The following KCNAB1 variants were observed in gnomAD, a reference collection of about 807,000 sequenced individuals.
KCNAB1 encodes potassium voltage-gated channel subfamily A regulatory beta subunit 1.
KCNAB1 carries 35 observed loss-of-function variants against 64.6 expected under a neutral mutation model. The ratio of observed to expected loss-of-function variants is 0.54; its 90% CI spans 0.41 to 0.72. The LOEUF is 0.72. Among genes scored for constraint, KCNAB1 ranks in the 30% least tolerant of loss-of-function variants. KCNAB1 has a pLI of 0.00. For missense variants in KCNAB1, 401 were observed against 512.9 expected, an observed-to-expected ratio of 0.78 and a Z score of 2.11; for synonymous variants, 177 against 183.8, an observed-to-expected ratio of 0.96 and a Z score of 0.30.
chr3:156,197,427 C>T (rs1714025598), intron 1 of KCNAB1, among the ~76,000 whole-genome samples: 1 of 152,102 alleles, frequency 6.6e-6, no homozygotes, highest in Admixed American at 6.5e-5. Context: ...GCTGTGAATC[C>T]ATCTGGTCCT....
At chr3:156,130,062 ACCTCT>A (rs1280054809) in intron 1 of KCNAB1, among the ~76,000 whole-genome samples, 2 of 152,068 alleles carry the variant, frequency 1.3e-5, no homozygotes, top group Admixed American at 1.3e-4. Context: ...TTAGCAAAAC[ACCTCT>A]CCTCTCCAAG....
chr3:156,422,248 C>T (rs542332278), intron 2 of KCNAB1, among the ~76,000 whole-genome samples: 58 of 152,144 alleles, frequency 3.8e-4, no homozygotes, highest in Non-Finnish European at 7.2e-4. Flanking sequence ...AATCTGAAGT[C>T]GTGGAATCTG....
intron 8 of KCNAB1, among the ~76,000 whole-genome samples, chr3:156,501,864 G>T (rs1559918104): frequency 2.6e-5 from 4 of 152,290 alleles, no homozygotes; most frequent in African/African-American, 9.6e-5. Context: ...CAGAATCATG[G>T]TGGGAGGTGA....
chr3:156,308,752 A>C (rs2108001577), intron 1 of KCNAB1, among the ~76,000 whole-genome samples: 1 of 152,320 alleles, frequency 6.6e-6, no homozygotes, highest in Middle Eastern at 3.4e-3. Context: ...TTTGCACAGC[A>C]CTGACTTTAG....
intron 1 of KCNAB1, among the ~76,000 whole-genome samples, chr3:156,171,087 G>A (rs895206068): frequency 1.3e-5 from 2 of 151,794 alleles, no homozygotes; most frequent in East Asian, 1.9e-4. Flanking sequence ...GTCTACCTTT[G>A]TTTGAGCTAC....
Position 156,255,615 on chromosome 3 carries a change from G to T in KCNAB1, c.275+134729G>T, listed in dbSNP as rs567822508. Among the ~76,000 whole-genome samples the T allele has an allele frequency of 3.3e-5, 5 of 152,242 alleles. No homozygotes were observed. The South Asian group carries it at 1.0e-3, about 32-fold the overall frequency. On this transcript the variant is annotated intron_variant, in intron 1 of 13. Coordinates refer to ENST00000490337, the MANE Select transcript of KCNAB1 (RefSeq NM_172160.3). ...GGTCTGCATTTGCCCAGTACTTCAT[G>T]TATCCATGTCTCTGTTCATGCCCTA...
At chr3:156,439,028 A>C (rs1716797503) in intron 2 of KCNAB1, among the ~76,000 whole-genome samples, 1 of 81,052 alleles carries the variant, frequency 1.2e-5, no homozygotes. Flanking sequence ...AAAACAAAAA[A>C]CAAAAAAAAA....
intron 1 of KCNAB1, chr3:156,292,183 T>A: frequency 6.3e-7 from 1 of 1,581,104 alleles, no homozygotes; most frequent in South Asian, 1.1e-5. Flanking sequence ...ACAGGTGCAG[T>A]GGAGACAGTC....
intron 11 of KCNAB1, among the ~76,000 whole-genome samples, chr3:156,523,355 G>A (rs915045036): frequency 2.6e-5 from 4 of 152,154 alleles, no homozygotes; most frequent in Admixed American, 1.3e-4. Context: ...AAGCACGGGG[G>A]AGAAAAATAG....
chr3:156,299,798 T>TCTGTC (rs1560182677), intron 1 of KCNAB1, among the ~76,000 whole-genome samples: 1 of 152,070 alleles, frequency 6.6e-6, no homozygotes, highest in Non-Finnish European at 1.5e-5. Flanking sequence ...TCATGAGAAA[T>TCTGTC]CTGTCCTGTT....
intron 1 of KCNAB1, among the ~76,000 whole-genome samples, chr3:156,368,833 C>T (rs746651629): frequency 9.2e-5 from 14 of 152,342 alleles, no homozygotes; most frequent in South Asian, 4.1e-4. Flanking sequence ...TCTCCTGCAA[C>T]GCTTTGTCCC....
chr3:156,288,253 C>G (rs1560175976), intron 1 of KCNAB1, among the ~76,000 whole-genome samples: 1 of 152,168 alleles, frequency 6.6e-6, no homozygotes, highest in South Asian at 2.1e-4. Context: ...CCTCAGTTAC[C>G]TCTTTAATGT....
chr3:156,230,023 G>C (rs947496299), intron 1 of KCNAB1, among the ~76,000 whole-genome samples: 5 of 152,154 alleles, frequency 3.3e-5, no homozygotes, highest in East Asian at 1.9e-4. Flanking sequence ...TACTTGTAAA[G>C]ATAAGCTCAC....
At chr3:156,498,412 C>T (rs1351679278) in intron 8 of KCNAB1, among the ~76,000 whole-genome samples, 2 of 152,096 alleles carry the variant, frequency 1.3e-5, no homozygotes, top group African/African-American at 4.8e-5. Context: ...CTTTCCTGTG[C>T]GGTTCTCATG....
chr3:156,273,656 G>A (rs1576666041), intron 1 of KCNAB1: 2 of 455,688 alleles, frequency 4.4e-6, no homozygotes, highest in South Asian at 3.1e-5. Flanking sequence ...GCCTTTTTCA[G>A]CGATATGAAG....
chr3:156,535,525 T>TAAGC (rs1166369891), intron 13 of KCNAB1, among the ~76,000 whole-genome samples: 1 of 152,190 alleles, frequency 6.6e-6, no homozygotes, highest in Non-Finnish European at 1.5e-5. Flanking sequence ...CGGCAGCTAC[T>TAAGC]AAGCTCCACA....
intron 1 of KCNAB1, among the ~76,000 whole-genome samples, chr3:156,378,845 C>T (rs532062175): frequency 1.3e-5 from 2 of 152,288 alleles, no homozygotes; most frequent in African/African-American, 4.8e-5. Flanking sequence ...CTGGACTCAA[C>T]AGAAGCCAGG....
chr3:156,523,188 A>C (rs1259614012), intron 11 of KCNAB1, among the ~76,000 whole-genome samples: 2 of 152,224 alleles, frequency 1.3e-5, no homozygotes, highest in Admixed American at 1.3e-4. Context: ...ATAGTTATAC[A>C]ATAGGTAATA....
At chr3:156,218,826 T>A (rs1349758188) in intron 1 of KCNAB1, among the ~76,000 whole-genome samples, 41 of 126,280 alleles carry the variant, frequency 3.2e-4, no homozygotes, top group African/African-American at 9.2e-4. Context: ...AAAATAAAAA[T>A]AAATAAATAA....
Sources: gnomAD v4.1 joint callset for allele counts (sites outside exome capture counted in the v4.1 genomes callset) on GRCh38, gnomAD v4.1.1 for gene constraint, MANE v1.5 for transcripts, NCBI Gene and HGNC (gene_info 2026-07-23, HGNC 2026-07-21) for gene names.